The following PPP2R3C variants were observed in gnomAD, a reference collection of about 807,000 sequenced individuals.
PPP2R3C encodes serine/threonine-protein phosphatase 2A regulatory subunit B'' subunit gamma.
In PPP2R3C, 47 loss-of-function variants were observed where a neutral mutation model predicts 63.7. The observed-to-expected ratio is 0.74, with a 90% CI of 0.58 to 0.94. The LOEUF (loss-of-function observed/expected upper bound fraction) is 0.94, where lower values mean the gene tolerates loss of function less well. Among genes scored for constraint, PPP2R3C ranks in the 40% least tolerant of loss-of-function variants. The pLI, the probability that PPP2R3C is intolerant of heterozygous loss-of-function variation, is 0.00. For missense variants in PPP2R3C, 421 were observed against 518.4 expected (o/e 0.81, Z 1.82); for synonymous variants, 180 against 177.4 (o/e 1.01, Z -0.12).
chr14:35,085,576 T>G lies in PPP2R3C; in HGVS notation c.*14A>C, dbSNP rs1487068793. ...AAGTATCTCATAATATAAGACAGTC[T>G]AGTCTTTCAGAGATCATGTATCATC... On this transcript the variant is annotated 3_prime_UTR_variant, in exon 13 of 13. Coordinates refer to ENST00000261475, the MANE Select transcript of PPP2R3C (RefSeq NM_017917.4). 2 of 1,583,846 alleles carry G rather than the reference T, an allele frequency of 1.3e-6. No individual in the cohort carries two copies. The highest frequency in any genetic ancestry group is 1.7e-6 in the Non-Finnish European group (2 of 1,165,604).
intron 2 of PPP2R3C, among the ~76,000 whole-genome samples, chr14:35,116,310 G>A (rs2046708179): frequency 6.6e-6 from 1 of 152,140 alleles, no homozygotes. Flanking sequence ...GGAGTGCAGT[G>A]ACACAATCAC....
At chr14:35,108,889 C>T (rs950694964) in intron 4 of PPP2R3C, among the ~76,000 whole-genome samples, 4 of 151,884 alleles carry the variant, frequency 2.6e-5, no homozygotes, top group African/African-American at 4.8e-5. Context: ...GAATTACAAA[C>T]GTGAGGCACC....
At chr14:35,098,725 G>A (rs2046088906) in intron 7 of PPP2R3C, 1 of 152,620 alleles carries the variant, frequency 6.6e-6, no homozygotes, top group Non-Finnish European at 1.5e-5. Flanking sequence ...CTCTGCTCCA[G>A]TTACATGTAG....
At chr14:35,110,353 A>G in intron 3 of PPP2R3C, 172 bp downstream of exon 3, 1 of 560,994 alleles carries the variant, frequency 1.8e-6, no homozygotes, top group Non-Finnish European at 3.1e-6. Flanking sequence ...TGTTTGGGGT[A>G]CATGACCCAT....
chr14:35,119,039 CTTTTT>C (rs34769087), intron 1 of PPP2R3C, among the ~76,000 whole-genome samples: 2 of 135,068 alleles, frequency 1.5e-5, no homozygotes, highest in East Asian at 2.2e-4. Flanking sequence ...GATCAAATGA[CTTTTT>C]TTTTTTTTTT....
rs28413900 is a variant in PPP2R3C at position 35,091,009 on chromosome 14, C to T, written c.1113+61G>A. ...GGATTACAGGCGTGAGCCACTGCAC[C>T]GGCAGCAACAAAATGATATATCTTA... is the stretch of plus-strand genomic sequence containing the variant. On this transcript the variant is annotated intron_variant, in intron 11 of 12. Coordinates refer to ENST00000261475, the MANE Select transcript of PPP2R3C (RefSeq NM_017917.4). 3.4e-4 allele frequency: 504 copies of T among 1,480,452 alleles called. 2 individuals carry two copies. In the African/African-American group the frequency reaches 5.9e-3, roughly 17 times the overall value. 91.7% of individuals were successfully genotyped at this position (1,480,452 alleles called of 1,614,324 possible).
intron 2 of PPP2R3C, among the ~76,000 whole-genome samples, chr14:35,115,734 G>A (rs1406037731): frequency 6.6e-6 from 1 of 151,804 alleles, no homozygotes; most frequent in African/African-American, 2.4e-5. Context: ...TGATTCTCCT[G>A]CCTCAGCCTC....
intron 10 of PPP2R3C, among the ~76,000 whole-genome samples, chr14:35,091,895 AT>A (rs2045831636): frequency 6.7e-6 from 1 of 149,696 alleles, no homozygotes; most frequent in Non-Finnish European, 1.5e-5. Context: ...TAATTTTTAT[AT>A]TTTTAGTAGA....
intron 5 of PPP2R3C, chr14:35,107,597 T>G: frequency 2.0e-6 from 1 of 503,066 alleles, no homozygotes; most frequent in Non-Finnish European, 3.6e-6. Context: ...TACTGTTCTT[T>G]ACCAATTAAA....
intron 3 of PPP2R3C, chr14:35,110,259 G>T (rs149907608): frequency 6.0e-5 from 27 of 450,762 alleles, no homozygotes; most frequent in Middle Eastern, 1.2e-3. Flanking sequence ...AACCTCTGTA[G>T]TCTGACCCTA....
At chr14:35,116,979 C>T (rs947957212) in intron 1 of PPP2R3C, 16 of 423,566 alleles carry the variant, frequency 3.8e-5, no homozygotes, top group Non-Finnish European at 5.5e-5. Flanking sequence ...TTCTGTTTAT[C>T]GCTAAAGCTA....
At chr14:35,111,496 A>G (rs953796488) in intron 2 of PPP2R3C, among the ~76,000 whole-genome samples, 1 of 152,180 alleles carries the variant, frequency 6.6e-6, no homozygotes, top group African/African-American at 2.4e-5. Context: ...CCAAAACTAA[A>G]CTGCCTTTGT....
At chr14:35,091,852 C>T (rs1451473486) in intron 10 of PPP2R3C, among the ~76,000 whole-genome samples, 1 of 152,012 alleles carries the variant, frequency 6.6e-6, no homozygotes, top group East Asian at 1.9e-4. Flanking sequence ...TCCCAAGTAG[C>T]TGGGAATACA....
Position 35,095,125 on chromosome 14 carries a change from G to GT in PPP2R3C, c.897dup (p.Arg300ThrfsTer23). On this transcript the variant is annotated frameshift_variant, in exon 10 of 13. Coordinates refer to ENST00000261475, the MANE Select transcript of PPP2R3C (RefSeq NM_017917.4). LOFTEE classifies it high-confidence loss of function. ...TTGGTCATGGTAGCTGTTCCATAGC[G>GT]TGAGAGTTCTTCTTTACTGAGCATG... 1.2e-6 allele frequency: 2 copies of GT among 1,612,254 alleles called. No homozygotes were observed. The highest frequency in any genetic ancestry group is 1.7e-6 in the Non-Finnish European group (2 of 1,178,278).
At chr14:35,099,632 C>T (rs927436428) in intron 6 of PPP2R3C, 2 of 351,184 alleles carry the variant, frequency 5.7e-6, no homozygotes, top group South Asian at 4.4e-5. Context: ...AAGCCTCTCA[C>T]CTATTTCTTC....
intron 11 of PPP2R3C, among the ~76,000 whole-genome samples, chr14:35,088,739 A>C (rs2045691297): frequency 6.6e-6 from 1 of 152,222 alleles, no homozygotes; most frequent in Non-Finnish European, 1.5e-5. Context: ...AGAGTGAATC[A>C]TCCAGACCCA....
Position 35,088,842 on chromosome 14 carries a change from A to G in PPP2R3C, c.1114-832T>C, listed in dbSNP as rs189562092. Among the ~76,000 whole-genome samples the G allele has an allele frequency of 2.0e-4, 31 of 152,380 alleles. 1 individual carries two copies. In the East Asian group the frequency reaches 4.6e-3, roughly 23 times the overall value. On this transcript the variant is annotated intron_variant, in intron 11 of 12. Coordinates refer to ENST00000261475, the MANE Select transcript of PPP2R3C (RefSeq NM_017917.4). ...GGACACTTTTTACCTTATCCCATAT[A>G]ACCAAGCCTAAATAAGCTTTGACAA...
intron 1 of PPP2R3C, among the ~76,000 whole-genome samples, chr14:35,121,182 G>A (rs1211748240): frequency 2.6e-5 from 4 of 152,104 alleles, no homozygotes; most frequent in South Asian, 4.1e-4. Flanking sequence ...TTTGAGACCA[G>A]CCTGGCCAAT....
At chr14:35,107,024 C>T (rs780580622) in intron 6 of PPP2R3C, among the ~76,000 whole-genome samples, 22 of 152,080 alleles carry the variant, frequency 1.4e-4, no homozygotes, top group Non-Finnish European at 2.8e-4. Context: ...ATCAGTAGAA[C>T]CTGTAGGATC....
Sources: allele counts gnomAD v4.1 joint callset (sites outside exome capture counted in the v4.1 genomes callset), GRCh38; gene constraint gnomAD v4.1.1; transcripts MANE v1.5; gene names NCBI Gene and HGNC (gene_info 2026-07-23, HGNC 2026-07-21).